Variants in DUSP16 observed in about 807,000 individuals in gnomAD.
DUSP16 encodes dual specificity phosphatase 16.
In DUSP16, 21 loss-of-function variants were observed where a neutral mutation model predicts 58.3. The observed-to-expected ratio is 0.36, with a 90% confidence interval of 0.26 to 0.52. The LOEUF (loss-of-function observed/expected upper bound fraction) is 0.52. Ranked by LOEUF, DUSP16 falls within the 20% of genes least tolerant of loss-of-function variation. The pLI, the probability that DUSP16 is intolerant of heterozygous loss-of-function variation, is 0.94. For missense variants in DUSP16, 726 were observed against 819.0 expected, an observed-to-expected ratio of 0.89 and a Z score of 1.39; for synonymous variants, 320 against 323.8, an observed-to-expected ratio of 0.99 and a Z score of 0.12.
At chr12:12,486,587 T>A (rs1162981497) in intron 5 of DUSP16, among the ~76,000 whole-genome samples, 1 of 151,890 alleles carries the variant, frequency 6.6e-6, no homozygotes, top group Non-Finnish European at 1.5e-5. Flanking sequence ...AACACTGACA[T>A]AAAGACTTAA....
At position 12,500,590 on chromosome 12, in the gene DUSP16, C is replaced by T; in HGVS notation, c.460G>A (p.Val154Ile). Residue 154 changes from valine (V) to isoleucine (I), a missense_variant, in exon 4 of 7, where the codon GTT (valine) becomes ATT (isoleucine). Coordinates refer to ENST00000298573, the MANE Select transcript of DUSP16 (RefSeq NM_030640.3). The part of the protein sequence containing the change: ...PTCISQPCLP[V>I]ANIGPTRILP... ...ATTCGGGTTGGCCCAATGTTGGCAA[C>T]AGGTAAGCAAGGCTGAGAAATGCAG... is the stretch of plus-strand genomic sequence containing the variant. The T allele has an allele frequency of 6.2e-7, 1 of 1,612,082 alleles. No individual in the cohort carries two copies. The highest frequency in any genetic ancestry group is 8.5e-7 in the Non-Finnish European group (1 of 1,179,214).
At chr12:12,490,689 T>C (rs973831235) in intron 4 of DUSP16, among the ~76,000 whole-genome samples, 3 of 152,212 alleles carry the variant, frequency 2.0e-5, no homozygotes, top group East Asian at 1.9e-4. Flanking sequence ...CTACCACTTC[T>C]ACTTTTCATT....
intron 4 of DUSP16, among the ~76,000 whole-genome samples, chr12:12,489,340 T>A (rs1943729508): frequency 6.6e-6 from 1 of 152,192 alleles, no homozygotes; most frequent in African/African-American, 2.4e-5. Flanking sequence ...AAAGGTTACA[T>A]TTGTTTTTCT....
At chr12:12,519,305 A>G (rs778182931) in intron 3 of DUSP16, among the ~76,000 whole-genome samples, 1 of 152,204 alleles carries the variant, frequency 6.6e-6, no homozygotes, top group Admixed American at 6.5e-5. Flanking sequence ...TATAAAACAA[A>G]TAAAAATATA....
At chr12:12,482,894 G>T (rs1405965262) in intron 5 of DUSP16, among the ~76,000 whole-genome samples, 3 of 152,086 alleles carry the variant, frequency 2.0e-5, no homozygotes, top group Non-Finnish European at 4.4e-5. Context: ...AAAATTTTTT[G>T]TAGAGACAGG....
At chr12:12,531,640 G>C (rs1201109109) in intron 1 of DUSP16, among the ~76,000 whole-genome samples, 1 of 152,264 alleles carries the variant, frequency 6.6e-6, no homozygotes, top group East Asian at 1.9e-4. Flanking sequence ...GGAGGCCGAG[G>C]TGGGTGGATC....
At position 12,477,047 on chromosome 12, in the gene DUSP16, T is replaced by G; in HGVS notation, c.1784A>C (p.Tyr595Ser). The G allele has an allele frequency of 6.2e-7, 1 of 1,614,266 alleles. No homozygotes were observed. Among genetic ancestry groups the G allele is most frequent in the South Asian group, 1.1e-5 (1 of 91,088 alleles). Residue 595 changes from tyrosine to serine, a missense_variant, in exon 7 of 7, where the codon TAT becomes TCT. Tyr to Ser is a moderately radical substitution (Grantham distance 144). Coordinates refer to ENST00000298573, the MANE Select transcript of DUSP16 (RefSeq NM_030640.3). This position sits in a 1 kb window ranked among gnomAD's most constrained non-coding sequence, Gnocchi z 4.1. ...SQLPTCGDQV[Y>S]SVRRRQKPSD... ...TGGCTTCTGCCGCCTGCGCACAGAATAGACTTGGTCTCCGCAAGTGGGCAG... is the reference window on the plus strand; with the variant it reads ...TGGCTTCTGCCGCCTGCGCACAGAAGAGACTTGGTCTCCGCAAGTGGGCAG...
chr12:12,532,952 A>AG (rs1309733661), intron 1 of DUSP16, among the ~76,000 whole-genome samples: 7 of 151,768 alleles, frequency 4.6e-5, no homozygotes, highest in Non-Finnish European at 8.8e-5. Context: ...CTGTCTCAAA[A>AG]AAAAAAAAAA....
At chr12:12,554,088 T>G (rs1424308481) in intron 1 of DUSP16, among the ~76,000 whole-genome samples, 1 of 150,268 alleles carries the variant, frequency 6.7e-6, no homozygotes, top group Admixed American at 6.7e-5. Flanking sequence ...TCCCAGCTAC[T>G]TGGGAGGCTG....
At chr12:12,535,398 A>G (rs1169389727) in intron 1 of DUSP16, among the ~76,000 whole-genome samples, 2 of 152,234 alleles carry the variant, frequency 1.3e-5, no homozygotes, top group African/African-American at 4.8e-5. Context: ...GTTTGAGAGA[A>G]TGGTGTTTCT....
In DUSP16 at chr12:12,506,218, A is replaced by G. The variant is rs545852662; in HGVS notation, c.368-5536T>C. Reference sequence around the variant, plus strand: ...CTCACCAGCAACTCAGTTTTGAAACATGCTTAAAATGTCCCTCTTCCTTTC... The same window carrying G: ...CTCACCAGCAACTCAGTTTTGAAACGTGCTTAAAATGTCCCTCTTCCTTTC... On this transcript the variant is annotated intron_variant, in intron 3 of 6. Coordinates refer to ENST00000298573, the MANE Select transcript of DUSP16 (RefSeq NM_030640.3). The G allele has an allele frequency of 2.0e-5, 3 of 152,338 alleles. No homozygotes were observed. The South Asian group carries it at 6.2e-4, about 32-fold the overall frequency. The allele number at this position is 152,338 out of a possible 1,614,324, so 9.4% of individuals were successfully genotyped here.
In DUSP16 at chr12:12,475,715, C is replaced by G. The variant is rs1042579573; in HGVS notation, c.*1118G>C. ...TCCTGCTTCTCCTCAGCAATTTGTA[C>G]CTTTCTTAATCTTCCCATAATTTAC... is the stretch of plus-strand genomic sequence containing the variant. On this transcript the variant is annotated 3_prime_UTR_variant, in exon 7 of 7. Coordinates refer to ENST00000298573, the MANE Select transcript of DUSP16 (RefSeq NM_030640.3). 6.6e-6 allele frequency: 1 copy of G among 152,202 alleles called. No homozygotes were observed. The highest frequency in any genetic ancestry group is 1.9e-4 in the East Asian group (1 of 5,194). 9.4% of individuals were successfully genotyped at this position (152,202 alleles called of 1,614,324 possible).
chr12:12,532,702 C>T (rs1361802293), intron 1 of DUSP16, among the ~76,000 whole-genome samples: 1 of 152,158 alleles, frequency 6.6e-6, no homozygotes, highest in Non-Finnish European at 1.5e-5. Context: ...TATCCTAGCA[C>T]TTTGGGAGGC....
chr12:12,508,541 C>T (rs1944030120), intron 3 of DUSP16, among the ~76,000 whole-genome samples: 1 of 152,170 alleles, frequency 6.6e-6, no homozygotes, highest in Non-Finnish European at 1.5e-5. Flanking sequence ...TTGAGCCATA[C>T]TAAAGAGAAA....
chr12:12,483,468 TCA>T (rs1190769649), intron 5 of DUSP16, among the ~76,000 whole-genome samples: 1 of 152,164 alleles, frequency 6.6e-6, no homozygotes, highest in African/African-American at 2.4e-5. Context: ...TATATTACCT[TCA>T]GTTTCCAGAT....
At chr12:12,552,823 C>T (rs1944750806) in intron 1 of DUSP16, among the ~76,000 whole-genome samples, 1 of 152,108 alleles carries the variant, frequency 6.6e-6, no homozygotes, top group Non-Finnish European at 1.5e-5. Flanking sequence ...CTCTGTCGCC[C>T]AGGCTGGAGT....
rs75879287 is a variant in DUSP16, at chr12:12,556,631, A to T, written c.-366+5486T>A. Among the ~76,000 whole-genome samples, 530 of 152,282 alleles carry T rather than the reference A, an allele frequency of 3.5e-3. 4 individuals are homozygous for T. The highest frequency in any genetic ancestry group is 0.012 in the African/African-American group (495 of 41,570). On this transcript the variant is annotated intron_variant, in intron 1 of 6. Transcript: ENST00000298573. ...AAAGAGTGAAGGGCACATATTTCTT[A>T]AAGAATGCTTCAGAAGAACAAAATG...
At chr12:12,486,542 A>G (rs568901797) in intron 5 of DUSP16, among the ~76,000 whole-genome samples, 4 of 151,168 alleles carry the variant, frequency 2.6e-5, no homozygotes, top group Non-Finnish European at 5.9e-5. Context: ...ATCAAACACT[A>G]CCTGAAATTA....
intron 2 of DUSP16, 22 bp downstream of exon 2, chr12:12,520,849 A>C (rs1342075900): frequency 1.2e-6 from 2 of 1,610,306 alleles, no homozygotes; most frequent in Non-Finnish European, 8.5e-7. Context: ...TATTTTGAAA[A>C]GGCAAAAAGG....
Sources: allele counts gnomAD v4.1 joint callset (sites outside exome capture counted in the v4.1 genomes callset), GRCh38; gene constraint gnomAD v4.1.1; non-coding constraint Gnocchi (gnomAD v3.1); transcripts MANE v1.5; gene names NCBI Gene and HGNC (gene_info 2026-07-23, HGNC 2026-07-21).